SHLD2: variants seen among roughly 807,000 people sequenced by gnomAD.
SHLD2 encodes the protein shieldin complex subunit 2.
SHLD2 carries 30 observed loss-of-function variants against 73.2 expected under a neutral mutation model. That is an observed-to-expected ratio of 0.41 (90% CI 0.31 to 0.56). The LOEUF (loss-of-function observed/expected upper bound fraction) is 0.56, where lower values mean the gene tolerates loss of function less well. SHLD2 is among the 20% of genes least tolerant of loss of function. The pLI, the probability that SHLD2 is intolerant of heterozygous loss-of-function variation, is 0.28. For missense variants in SHLD2, 745 were observed against 1,055.9 expected (o/e 0.71, Z 4.08); for synonymous variants, 285 against 370.1 (o/e 0.77, Z 2.64).
At chr10:87,132,622 A>C (rs1844508258) in intron 2 of SHLD2, among the ~76,000 whole-genome samples, 1 of 152,016 alleles carries the variant, frequency 6.6e-6, no homozygotes, top group African/African-American at 2.4e-5. Context: ...AAAAAATGAA[A>C]AATTAACCAG....
At chr10:87,144,243 G>A (rs1016886375) in intron 2 of SHLD2, among the ~76,000 whole-genome samples, 10 of 152,082 alleles carry the variant, frequency 6.6e-5, no homozygotes, top group African/African-American at 2.2e-4. Flanking sequence ...TTGGGAGAAG[G>A]CAAATGCCCT....
intron 3 of SHLD2, among the ~76,000 whole-genome samples, chr10:87,153,809 C>T (rs1846182470): frequency 6.6e-6 from 1 of 152,104 alleles, no homozygotes; most frequent in Non-Finnish European, 1.5e-5. Context: ...TGTCATACAT[C>T]TAGGAAGTGG....
intron 2 of SHLD2, among the ~76,000 whole-genome samples, chr10:87,113,311 C>T (rs1026471133): frequency 7.9e-5 from 12 of 152,132 alleles, no homozygotes; most frequent in Non-Finnish European, 1.0e-4. Context: ...TCAATAAGAG[C>T]GAAACTTTGT....
intron 4 of SHLD2, among the ~76,000 whole-genome samples, chr10:87,159,231 A>G (rs1846644674): frequency 6.6e-6 from 1 of 152,206 alleles, no homozygotes; most frequent in Non-Finnish European, 1.5e-5. Flanking sequence ...AAGAGCAACA[A>G]TTAGAATAAC....
At chr10:87,111,203 C>G (rs1447406648) in intron 2 of SHLD2, among the ~76,000 whole-genome samples, 1 of 151,906 alleles carries the variant, frequency 6.6e-6, no homozygotes, top group Non-Finnish European at 1.5e-5. Context: ...ATCATGTTGC[C>G]CAGGCTGGAG....
At chr10:87,123,168 A>G (rs1843743628) in intron 2 of SHLD2, among the ~76,000 whole-genome samples, 1 of 152,236 alleles carries the variant, frequency 6.6e-6, no homozygotes, top group South Asian at 2.1e-4. Context: ...TGGCCTCCCA[A>G]AATGCTGAGA....
Position 87,176,107 on chromosome 10 carries a change from A to G in SHLD2, c.2170+12A>G. Reference sequence around the variant, plus strand: ...GGATAAGTGTTCAGGTAAGATCTTTATATACATAAATTCTGCTATTTTTAT... The same window carrying G: ...GGATAAGTGTTCAGGTAAGATCTTTGTATACATAAATTCTGCTATTTTTAT... On this transcript the variant is annotated intron_variant, in intron 7 of 9. Coordinates refer to ENST00000298786, the MANE Select transcript of SHLD2 (RefSeq NM_001330112.2). 1 of 1,548,266 alleles carries G rather than the reference A, an allele frequency of 6.5e-7. No individual in the cohort carries two copies. Among genetic ancestry groups the G allele is most frequent in the Non-Finnish European group, 8.7e-7 (1 of 1,146,746 alleles).
chr10:87,133,115 A>G (rs1286323097), intron 2 of SHLD2, among the ~76,000 whole-genome samples: 1 of 152,198 alleles, frequency 6.6e-6, no homozygotes, highest in Non-Finnish European at 1.5e-5. Context: ...TCTTAACTAT[A>G]TTGCTTTATG....
intron 4 of SHLD2, among the ~76,000 whole-genome samples, chr10:87,161,030 A>C (rs1311648767): frequency 4.6e-5 from 7 of 152,134 alleles, no homozygotes; most frequent in Non-Finnish European, 4.4e-5. Flanking sequence ...TGGATAAAGA[A>C]GAATGAAAAT....
chr10:87,150,964 T>C (rs1243547344), intron 2 of SHLD2, among the ~76,000 whole-genome samples: 10 of 151,894 alleles, frequency 6.6e-5, no homozygotes, highest in Non-Finnish European at 1.3e-4. Context: ...TGGCTGGGAC[T>C]ACAGGCGTGT....
intron 2 of SHLD2, among the ~76,000 whole-genome samples, chr10:87,138,405 T>G (rs1844953173): frequency 6.6e-6 from 1 of 151,274 alleles, no homozygotes; most frequent in Admixed American, 6.6e-5. Context: ...TAACCTAGAT[T>G]TCTATGGCCA....
At chr10:87,131,482 C>G (rs1476939157) in intron 2 of SHLD2, among the ~76,000 whole-genome samples, 1 of 152,140 alleles carries the variant, frequency 6.6e-6, no homozygotes, top group Non-Finnish European at 1.5e-5. Flanking sequence ...CCTTTTGTCA[C>G]ATGTTTTCAT....
At chr10:87,179,405 C>CA (rs1848158607) in intron 7 of SHLD2, among the ~76,000 whole-genome samples, 2 of 142,628 alleles carry the variant, frequency 1.4e-5, no homozygotes, top group Non-Finnish European at 1.5e-5. Context: ...TCCTATTTGG[C>CA]TTTTTTTTTT....
intron 2 of SHLD2, among the ~76,000 whole-genome samples, chr10:87,134,963 C>G (rs1844697789): frequency 6.6e-6 from 1 of 152,126 alleles, no homozygotes; most frequent in Non-Finnish European, 1.5e-5. Context: ...GAGAATCTAG[C>G]AAACCAAACT....
intron 2 of SHLD2, among the ~76,000 whole-genome samples, chr10:87,126,743 T>C (rs7089418): frequency 0.14 from 21,648 of 152,148 alleles, 1,743 homozygotes; most frequent in Admixed American, 0.26. Context: ...TACACTTTAT[T>C]GTTCTTGGTG....
At chr10:87,154,906 C>A (rs991000547) in intron 3 of SHLD2, among the ~76,000 whole-genome samples, 6 of 152,078 alleles carry the variant, frequency 3.9e-5, no homozygotes, top group African/African-American at 1.4e-4. Flanking sequence ...GCTAATGTAC[C>A]TTGGTGTTCC....
intron 2 of SHLD2, among the ~76,000 whole-genome samples, chr10:87,120,152 C>T (rs1435132400): frequency 3.3e-5 from 5 of 152,088 alleles, no homozygotes; most frequent in South Asian, 2.1e-4. Context: ...GGTTTGTCTA[C>T]GTTTCAGTTT....
At chr10:87,170,454 G>A (rs1035779136) in intron 4 of SHLD2, 24 bp from the exon 5 acceptor site, 2 of 1,492,342 alleles carry the variant, frequency 1.3e-6, no homozygotes, top group African/African-American at 2.8e-5. Context: ...TCTTTTGTCT[G>A]TCTGTATGTT....
chr10:87,172,697 C>G (rs115644064), intron 6 of SHLD2, among the ~76,000 whole-genome samples: 1 of 141,328 alleles, frequency 7.1e-6, no homozygotes, highest in Non-Finnish European at 1.6e-5. Context: ...TAAAACTTCA[C>G]GTATAGAAAA....
Sources: gnomAD v4.1 joint callset for allele counts (sites outside exome capture counted in the v4.1 genomes callset) on GRCh38, gnomAD v4.1.1 for gene constraint, MANE v1.5 for transcripts, NCBI Gene and HGNC (gene_info 2026-07-23, HGNC 2026-07-21) for gene names.